PIGN: variants seen among roughly 807,000 people sequenced by gnomAD.
PIGN encodes the protein GPI ethanolamine phosphate transferase 1.
Under a neutral mutation model 125.4 loss-of-function variants are expected in PIGN, and 117 were observed. The observed-to-expected ratio is 0.93, with a 90% confidence interval of 0.80 to 1.09. PIGN has a LOEUF of 1.09. Among genes scored for constraint, PIGN ranks in the 50% least tolerant of loss-of-function variants. The probability of loss-of-function intolerance (pLI) is 0.00; values close to 1 mark genes in which losing one functional copy is unlikely to be tolerated. For missense variants in PIGN, 1,075 were observed against 1,094.9 expected (o/e 0.98, Z 0.26); for synonymous variants, 392 against 377.8 (o/e 1.04, Z -0.44).
intron 30 of PIGN, among the ~76,000 whole-genome samples, chr18:62,057,291 C>T (rs1320465131): frequency 6.9e-6 from 1 of 145,726 alleles, no homozygotes; most frequent in Admixed American, 6.8e-5. Context: ...CACCTTCCTT[C>T]ACCAAACTCA....
chr18:62,049,289 C>T (rs2031038478), intron 30 of PIGN, among the ~76,000 whole-genome samples: 1 of 152,106 alleles, frequency 6.6e-6, no homozygotes, highest in African/African-American at 2.4e-5. Flanking sequence ...CTGACTTCCA[C>T]AATGGTTGAA....
At chr18:62,148,408 CATTTAA>C (rs1280173641) in intron 7 of PIGN, 70 bp from the exon 8 acceptor site, 1 of 1,095,764 alleles carries the variant, frequency 9.1e-7, no homozygotes, top group African/African-American at 1.6e-5. Context: ...CTGATGAAAA[CATTTAA>C]ATTTATGCAT....
At chr18:62,060,679 G>A (rs1000036739) in intron 30 of PIGN, among the ~76,000 whole-genome samples, 1 of 152,182 alleles carries the variant, frequency 6.6e-6, no homozygotes, top group Non-Finnish European at 1.5e-5. Flanking sequence ...AATCGTGCAT[G>A]TGAGAAACAA....
intron 24 of PIGN, 70 bp downstream of exon 24, chr18:62,090,406 T>C (rs2146085016): frequency 1.2e-6 from 1 of 804,818 alleles, no homozygotes. Flanking sequence ...TTTGAAATAA[T>C]ATTGCAACTT....
chr18:62,075,829 T>C (rs1599461233), intron 28 of PIGN: 1 of 152,348 alleles, frequency 6.6e-6, no homozygotes, highest in African/African-American at 2.4e-5. Context: ...TAGCAATGCA[T>C]GAGAGCAATT....
chr18:62,058,122 T>G (rs1225598898), intron 30 of PIGN, among the ~76,000 whole-genome samples: 1 of 152,186 alleles, frequency 6.6e-6, no homozygotes, highest in Non-Finnish European at 1.5e-5. Flanking sequence ...GACTCTTTCT[T>G]GTAAAACAGA....
intron 1 of PIGN, among the ~76,000 whole-genome samples, chr18:62,178,390 C>G (rs1240425882): frequency 6.6e-6 from 1 of 151,766 alleles, no homozygotes; most frequent in East Asian, 1.9e-4. Flanking sequence ...AATAAACCAC[C>G]GTACTCTGCC....
chr18:62,095,459 T>TA (rs35318239), intron 23 of PIGN, among the ~76,000 whole-genome samples: 1 of 152,010 alleles, frequency 6.6e-6, no homozygotes, highest in East Asian at 1.9e-4. Flanking sequence ...TATGTAAGAT[T>TA]AAAAAAATAC....
At chr18:62,121,301 T>C (rs946788749) in intron 14 of PIGN, among the ~76,000 whole-genome samples, 1 of 152,168 alleles carries the variant, frequency 6.6e-6, no homozygotes, top group Non-Finnish European at 1.5e-5. Context: ...CCACAATTCC[T>C]GTGCCCAGAC....
chr18:62,056,974 G>A (rs2145287854), intron 30 of PIGN: 1 of 152,300 alleles, frequency 6.6e-6, no homozygotes, highest in Middle Eastern at 3.4e-3. Flanking sequence ...GAGGTAGAAT[G>A]GTTTCATCCT....
intron 1 of PIGN, among the ~76,000 whole-genome samples, chr18:62,165,852 T>C (rs2037114533): frequency 6.6e-6 from 1 of 152,086 alleles, no homozygotes; most frequent in South Asian, 2.1e-4. Flanking sequence ...TATTGAGAAG[T>C]TTAAACAGTC....
At chr18:62,102,963 G>A in intron 20 of PIGN, 61 bp from the exon 21 acceptor site, 1 of 879,446 alleles carries the variant, frequency 1.1e-6, no homozygotes. Context: ...CATATCAGAT[G>A]GAAATATGAG....
At position 62,048,470 on chromosome 18, in the gene PIGN, C is replaced by A. The variant is rs559291594; in HGVS notation, c.2673-2491G>T. ...TGACACCTTACCTATAGGGGAAAAA[C>A]AATTTGAATAACAGCAGATTTCTCA... On this transcript the variant is annotated intron_variant, in intron 30 of 30. Coordinates refer to ENST00000640252, the MANE Select transcript of PIGN (RefSeq NM_176787.5). 4.1e-4 allele frequency among the ~76,000 whole-genome samples: 62 copies of A among 152,024 alleles called. 1 individual carries two copies. The highest frequency in any genetic ancestry group is 1.0e-3 in the Admixed American group (16 of 15,266).
chr18:62,045,601 G>GA lies in PIGN; in HGVS notation c.*254dup, dbSNP rs1041518453. ...CACTGGGAAGAGCTGCCAGCCAAAGGAAAAAAATGAAAAAGGAGAATGCCT... is the reference window on the plus strand; with the variant it reads ...CACTGGGAAGAGCTGCCAGCCAAAGGAAAAAAAATGAAAAAGGAGAATGCCT... On this transcript the variant is annotated 3_prime_UTR_variant, in exon 31 of 31. Coordinates refer to ENST00000640252, the MANE Select transcript of PIGN (RefSeq NM_176787.5). 4.8e-4 allele frequency: 140 copies of GA among 294,422 alleles called. 3 individuals carry two copies. The East Asian group carries it at 9.3e-3, about 19-fold the overall frequency. 18.2% of individuals were successfully genotyped at this position (294,422 alleles called of 1,614,324 possible). A position where few individuals can be genotyped will look rare whatever the true frequency, so the allele number is the denominator to read the frequency against.
intron 17 of PIGN, among the ~76,000 whole-genome samples, chr18:62,108,679 C>T (rs975999123): frequency 6.6e-6 from 1 of 152,062 alleles, no homozygotes; most frequent in African/African-American, 2.4e-5. Context: ...CAACCTCCAC[C>T]TCCTGGGTTC....
At chr18:62,070,370 A>G in intron 30 of PIGN, 1 of 398,532 alleles carries the variant, frequency 2.5e-6, no homozygotes, top group Non-Finnish European at 4.4e-6. Flanking sequence ...TCAATTTTCT[A>G]TGGAGTACCT....
At chr18:62,071,743 G>A (rs2032859126) in intron 30 of PIGN, among the ~76,000 whole-genome samples, 1 of 151,400 alleles carries the variant, frequency 6.6e-6, no homozygotes, top group African/African-American at 2.4e-5. Context: ...TCCTATAAAA[G>A]TCTGGCACAC....
intron 1 of PIGN, among the ~76,000 whole-genome samples, chr18:62,183,893 T>TA (rs1202835299): frequency 2.0e-5 from 3 of 152,156 alleles, no homozygotes; most frequent in Non-Finnish European, 4.4e-5. Flanking sequence ...ACTATTAATG[T>TA]AAATAAAATT....
At chr18:62,060,864 C>A (rs2032080359) in intron 30 of PIGN, among the ~76,000 whole-genome samples, 1 of 152,104 alleles carries the variant, frequency 6.6e-6, no homozygotes, top group South Asian at 2.1e-4. Context: ...AATGTACTTT[C>A]AGTATGCCGT....
Sources: gnomAD v4.1 joint callset for allele counts (sites outside exome capture counted in the v4.1 genomes callset) on GRCh38, gnomAD v4.1.1 for gene constraint, MANE v1.5 for transcripts, NCBI Gene and HGNC (gene_info 2026-07-23, HGNC 2026-07-21) for gene names.